Variants in TMEM132D observed in about 807,000 individuals in gnomAD.
TMEM132D encodes the protein transmembrane protein 132D.
Under a neutral mutation model 62.3 loss-of-function variants are expected in TMEM132D, and 21 were observed. The ratio of observed to expected loss-of-function variants is 0.34; its 90% CI spans 0.24 to 0.49. TMEM132D has a LOEUF of 0.49. Among genes scored for constraint, TMEM132D ranks in the 20% least tolerant of loss-of-function variants. The pLI is 0.99. For missense variants in TMEM132D, 1,346 were observed against 1,402.8 expected, an observed-to-expected ratio of 0.96 and a Z score of 0.65; for synonymous variants, 621 against 575.6, an observed-to-expected ratio of 1.08 and a Z score of -1.13.
chr12:129,446,405 A>G (rs1028644266), intron 3 of TMEM132D, among the ~76,000 whole-genome samples: 3 of 152,154 alleles, frequency 2.0e-5, no homozygotes, highest in African/African-American at 7.2e-5. Context: ...AAGCAGAAAC[A>G]CTCTGGCGTA....
intron 4 of TMEM132D, among the ~76,000 whole-genome samples, chr12:129,286,482 A>G (rs1881299443): frequency 6.6e-6 from 1 of 152,216 alleles, no homozygotes; most frequent in South Asian, 2.1e-4. Context: ...AGCACAGTAT[A>G]TGGCTAAATA....
At chr12:129,414,368 A>T (rs1593370402) in intron 3 of TMEM132D, among the ~76,000 whole-genome samples, 1 of 152,212 alleles carries the variant, frequency 6.6e-6, no homozygotes, top group East Asian at 1.9e-4. Flanking sequence ...TGTGATAGTC[A>T]TTTTTTAACT....
intron 3 of TMEM132D, among the ~76,000 whole-genome samples, chr12:129,375,527 A>G (rs1870758025): frequency 6.6e-6 from 1 of 152,200 alleles, no homozygotes; most frequent in Non-Finnish European, 1.5e-5. Flanking sequence ...TCAAATGTAA[A>G]GCAGTTGAGA....
intron 1 of TMEM132D, among the ~76,000 whole-genome samples, chr12:129,848,407 C>A (rs1313485103): frequency 6.6e-6 from 1 of 152,076 alleles, no homozygotes; most frequent in Non-Finnish European, 1.5e-5. Context: ...TCTCCCGGTA[C>A]CGGAATGCTT....
At chr12:129,306,024 C>T (rs1881839073) in intron 4 of TMEM132D, among the ~76,000 whole-genome samples, 1 of 152,134 alleles carries the variant, frequency 6.6e-6, no homozygotes, top group South Asian at 2.1e-4. Flanking sequence ...GCAACTCACC[C>T]ACCAGCCAGC....
At chr12:129,724,099 C>A (rs775805775) in intron 1 of TMEM132D, among the ~76,000 whole-genome samples, 1 of 152,168 alleles carries the variant, frequency 6.6e-6, no homozygotes, top group African/African-American at 2.4e-5. Context: ...GGAGATGCCA[C>A]GTTTGAGTAG....
intron 3 of TMEM132D, among the ~76,000 whole-genome samples, chr12:129,457,487 TG>T (rs1181967448): frequency 6.6e-6 from 1 of 150,470 alleles, no homozygotes; most frequent in Non-Finnish European, 1.5e-5. Flanking sequence ...ATATACCTAA[TG>T]CTAAATGACG....
chr12:129,231,201 G>T (rs1163808544), intron 4 of TMEM132D, among the ~76,000 whole-genome samples: 1 of 152,202 alleles, frequency 6.6e-6, no homozygotes, highest in African/African-American at 2.4e-5. Flanking sequence ...GCGCTTCCTG[G>T]CATGCCAGAC....
chr12:129,680,968 C>A (rs1366036360), intron 2 of TMEM132D, among the ~76,000 whole-genome samples: 1 of 152,190 alleles, frequency 6.6e-6, no homozygotes, highest in African/African-American at 2.4e-5. Flanking sequence ...GAGAATTATC[C>A]TGACTCCACC....
At position 129,903,428 on chromosome 12, in the gene TMEM132D, G is replaced by A; in HGVS notation, c.-89C>T. ...TCAGTCCCCTAGAGGCCCGCAGCGG[G>A]GCCGGTGGCGAGGGAGCGCCCGGCT... On this transcript the variant is annotated 5_prime_UTR_variant, in exon 1 of 9. Coordinates refer to ENST00000422113, the MANE Select transcript of TMEM132D (RefSeq NM_133448.3). This position sits in a 1 kb window ranked among gnomAD's most constrained non-coding sequence, Gnocchi z 6.2. 1 of 1,413,254 alleles carries A rather than the reference G, an allele frequency of 7.1e-7. No individual in the cohort carries two copies. The highest frequency in any genetic ancestry group is 9.7e-7 in the Non-Finnish European group (1 of 1,030,120). 87.5% of individuals were successfully genotyped at this position (1,413,254 alleles called of 1,614,324 possible).
chr12:129,672,191 C>T (rs1880515398), intron 2 of TMEM132D, among the ~76,000 whole-genome samples: 1 of 152,252 alleles, frequency 6.6e-6, no homozygotes, highest in South Asian at 2.1e-4. Context: ...ACAGCCAGGC[C>T]TCCCGTTTTC....
chr12:129,887,002 T>A (rs1324373039), intron 1 of TMEM132D, among the ~76,000 whole-genome samples: 4 of 152,342 alleles, frequency 2.6e-5, no homozygotes, highest in Admixed American at 2.6e-4. Flanking sequence ...CAATTAAACC[T>A]CTTTCCTTTA....
intron 2 of TMEM132D, among the ~76,000 whole-genome samples, chr12:129,599,763 G>C (rs185024941): frequency 6.6e-6 from 1 of 152,184 alleles, no homozygotes; most frequent in African/African-American, 2.4e-5. Context: ...TTTACACAAT[G>C]CTGTTGTCTA....
At chr12:129,747,592 A>T (rs1869844391) in intron 1 of TMEM132D, among the ~76,000 whole-genome samples, 2 of 149,420 alleles carry the variant, frequency 1.3e-5, no homozygotes. Flanking sequence ...ACGCGCTCAC[A>T]TGCACACTTG....
At chr12:129,609,724 C>G (rs748796443) in intron 2 of TMEM132D, among the ~76,000 whole-genome samples, 2 of 152,210 alleles carry the variant, frequency 1.3e-5, no homozygotes, top group African/African-American at 2.4e-5. Flanking sequence ...CCCTCTTCCC[C>G]AGTCAGATGC....
chr12:129,400,570 A>C (rs1871592332), intron 3 of TMEM132D, among the ~76,000 whole-genome samples: 1 of 152,168 alleles, frequency 6.6e-6, no homozygotes, highest in Non-Finnish European at 1.5e-5. Context: ...ACGGTCCTCC[A>C]TCCTCTTCAC....
intron 3 of TMEM132D, among the ~76,000 whole-genome samples, chr12:129,526,764 A>C (rs6486479): frequency 0.67 from 101,940 of 152,126 alleles, 34,663 homozygotes; most frequent in African/African-American, 0.78. Context: ...AAGAGTCAAC[A>C]CAGTTAAGAA....
At chr12:129,237,143 A>AT (rs1164723733) in intron 4 of TMEM132D, among the ~76,000 whole-genome samples, 1 of 151,990 alleles carries the variant, frequency 6.6e-6, no homozygotes, top group Non-Finnish European at 1.5e-5. Context: ...TTTCTTGAGG[A>AT]TTTTTGCATC....
intron 3 of TMEM132D, among the ~76,000 whole-genome samples, chr12:129,495,201 C>T (rs140273071): frequency 7.8e-4 from 109 of 140,146 alleles, no homozygotes; most frequent in African/African-American, 3.0e-3. Context: ...TAGATTCACA[C>T]AAACAAGAGA....
Sources: allele counts gnomAD v4.1 joint callset (sites outside exome capture counted in the v4.1 genomes callset), GRCh38; gene constraint gnomAD v4.1.1; non-coding constraint Gnocchi (gnomAD v3.1); transcripts MANE v1.5; gene names NCBI Gene and HGNC (gene_info 2026-07-23, HGNC 2026-07-21).